Variants in SOX5 observed in about 807,000 individuals in gnomAD.
SOX5 encodes the protein SRY-box transcription factor 5.
In SOX5, 9 loss-of-function variants were observed where a neutral mutation model predicts 92.0. That is an observed-to-expected ratio of 0.10 (90% CI 0.06 to 0.17). SOX5 has a LOEUF of 0.17. Ranked by LOEUF, SOX5 falls within the 10% of genes least tolerant of loss-of-function variation. The pLI is 1.00. For synonymous variants in SOX5, 344 were observed against 336.3 expected (o/e 1.02, Z -0.25); for missense variants, 642 against 944.5 (o/e 0.68, Z 4.20).
chr12:23,974,270 G>T (rs1948672690), intron 4 of SOX5, among the ~76,000 whole-genome samples: 1 of 152,116 alleles, frequency 6.6e-6, no homozygotes, highest in Non-Finnish European at 1.5e-5. Context: ...TTCATCTGTT[G>T]ATAGACAATT....
chr12:23,670,742 A>C (rs2084639498), intron 6 of SOX5, among the ~76,000 whole-genome samples: 1 of 152,128 alleles, frequency 6.6e-6, no homozygotes, highest in Admixed American at 6.6e-5. Context: ...GGAATTGAGG[A>C]AGAAAACTGG....
intron 4 of SOX5, among the ~76,000 whole-genome samples, chr12:23,742,378 C>A (rs964583907): frequency 6.6e-6 from 1 of 152,080 alleles, no homozygotes; most frequent in African/African-American, 2.4e-5. Flanking sequence ...AATGCCTATC[C>A]TTATTCAAGG....
chr12:23,584,224 G>A (rs185516095), intron 9 of SOX5, among the ~76,000 whole-genome samples: 3 of 151,942 alleles, frequency 2.0e-5, no homozygotes, highest in East Asian at 3.9e-4. Context: ...ATGAAGGCAC[G>A]GATAGCCCAT....
intron 4 of SOX5, among the ~76,000 whole-genome samples, chr12:24,159,758 A>T (rs1157158591): frequency 6.6e-6 from 1 of 152,018 alleles, no homozygotes; most frequent in Non-Finnish European, 1.5e-5. Flanking sequence ...TTCAACACTC[A>T]AATATGAGTA....
chr12:24,230,125 G>A (rs1963054648), intron 3 of SOX5, among the ~76,000 whole-genome samples: 1 of 152,118 alleles, frequency 6.6e-6, no homozygotes, highest in African/African-American at 2.4e-5. Context: ...GGCCTCCCAT[G>A]TGCTTCTAGA....
At chr12:23,736,470 T>TA (rs1384750622) in intron 5 of SOX5, among the ~76,000 whole-genome samples, 84 of 143,708 alleles carry the variant, frequency 5.8e-4, no homozygotes, top group African/African-American at 1.3e-3. Context: ...TCAGAAATAA[T>TA]AAAAAAAAAA....
At chr12:23,981,384 A>C (rs1464901606) in intron 4 of SOX5, among the ~76,000 whole-genome samples, 2 of 152,240 alleles carry the variant, frequency 1.3e-5, no homozygotes, top group Non-Finnish European at 2.9e-5. Flanking sequence ...CAATTCAAGA[A>C]TACTTTTTTA....
At chr12:24,429,249 G>A (rs1162876878) in intron 1 of SOX5, among the ~76,000 whole-genome samples, 2 of 151,928 alleles carry the variant, frequency 1.3e-5, no homozygotes, top group African/African-American at 2.4e-5. Flanking sequence ...CCTGGGAGGC[G>A]GAGCTTGCAG....
At chr12:24,056,867 T>C (rs4963742) in intron 4 of SOX5, among the ~76,000 whole-genome samples, 86,490 of 142,034 alleles carry the variant, frequency 0.61, 26,790 homozygotes, top group Non-Finnish European at 0.69. Flanking sequence ...CCCAGCTACT[T>C]GGAAGGCTGA....
At chr12:24,243,678 A>G (rs920339465) in intron 3 of SOX5, among the ~76,000 whole-genome samples, 3 of 152,224 alleles carry the variant, frequency 2.0e-5, no homozygotes, top group Non-Finnish European at 4.4e-5. Flanking sequence ...ACTTATGAAA[A>G]GAAAAACAGG....
chr12:24,299,735 T>C (rs1302439111), intron 2 of SOX5, among the ~76,000 whole-genome samples: 1 of 152,230 alleles, frequency 6.6e-6, no homozygotes, highest in African/African-American at 2.4e-5. Flanking sequence ...AATTTATCCC[T>C]AGTGAATGTC....
chr12:24,394,840 G>T (rs1344476574), intron 1 of SOX5, among the ~76,000 whole-genome samples: 1 of 152,138 alleles, frequency 6.6e-6, no homozygotes, highest in Non-Finnish European at 1.5e-5. Flanking sequence ...AGTTCAATTT[G>T]CTCCCAATCA....
At chr12:24,470,429 A>G (rs1944683857) in intron 1 of SOX5, among the ~76,000 whole-genome samples, 1 of 152,186 alleles carries the variant, frequency 6.6e-6, no homozygotes, top group South Asian at 2.1e-4. Context: ...AACGGTGAGG[A>G]CAGATTAAGG....
chr12:23,920,370 G>T (rs370167917), intron 1 of SOX5: 2 of 152,168 alleles, frequency 1.3e-5, no homozygotes, highest in African/African-American at 4.8e-5. Flanking sequence ...CAAACTTTAA[G>T]ACTGCCTATT....
intron 6 of SOX5, among the ~76,000 whole-genome samples, chr12:23,731,669 GCTCTAACT>G (rs1011077417): frequency 6.6e-6 from 1 of 152,076 alleles, no homozygotes; most frequent in Non-Finnish European, 1.5e-5. Flanking sequence ...AAATTGCCCA[GCTCTAACT>G]CTTATCAATC....
chr12:23,734,648 T>C, intron 6 of SOX5, 36 bp downstream of exon 6: 2 of 1,460,028 alleles, frequency 1.4e-6, no homozygotes, highest in Non-Finnish European at 1.9e-6. Context: ...TATATATTTT[T>C]TAAATTGTAA....
intron 4 of SOX5, among the ~76,000 whole-genome samples, chr12:23,750,920 G>A (rs527789556): frequency 1.5e-4 from 23 of 151,894 alleles, no homozygotes; most frequent in South Asian, 1.2e-3. Flanking sequence ...GTCATGAGAC[G>A]GAGCAAATCA....
chr12:23,723,970 T>C (rs2092973186), intron 6 of SOX5, among the ~76,000 whole-genome samples: 1 of 152,176 alleles, frequency 6.6e-6, no homozygotes, highest in Non-Finnish European at 1.5e-5. Context: ...GAAAGTTTAG[T>C]TGTATGCAAT....
intron 4 of SOX5, among the ~76,000 whole-genome samples, chr12:24,045,952 T>G (rs1295431440): frequency 6.6e-6 from 1 of 152,208 alleles, no homozygotes; most frequent in African/African-American, 2.4e-5. Context: ...TTGTTGTCTG[T>G]ATTCAACGGA....
Sources: gnomAD v4.1 joint callset for allele counts (sites outside exome capture counted in the v4.1 genomes callset) on GRCh38, gnomAD v4.1.1 for gene constraint, MANE v1.5 for transcripts, NCBI Gene and HGNC (gene_info 2026-07-23, HGNC 2026-07-21) for gene names.